The following ADAM18 variants were observed in gnomAD, a reference collection of about 807,000 sequenced individuals.
ADAM18 encodes disintegrin and metalloproteinase domain-containing protein 18.
Under a neutral mutation model 94.4 loss-of-function variants are expected in ADAM18, and 117 were observed. The ratio of observed to expected loss-of-function variants is 1.24; its 90% CI spans 1.07 to 1.45. The LOEUF (loss-of-function observed/expected upper bound fraction) is 1.45, where lower values mean the gene tolerates loss of function less well. ADAM18 is among the 40% of genes most tolerant of loss of function. The pLI is 0.00. For synonymous variants in ADAM18, 327 were observed against 291.6 expected, an observed-to-expected ratio of 1.12 and a Z score of -1.24; for missense variants, 936 against 880.0, an observed-to-expected ratio of 1.06 and a Z score of -0.81.
chr8:39,709,712 G>A (rs187297884), intron 18 of ADAM18, among the ~76,000 whole-genome samples: 1 of 152,302 alleles, frequency 6.6e-6, no homozygotes, highest in East Asian at 1.9e-4. Flanking sequence ...GTGGTAAATA[G>A]GTTTGGTGAT....
chr8:39,611,783 G>T (rs529553099), intron 6 of ADAM18, among the ~76,000 whole-genome samples: 7 of 151,742 alleles, frequency 4.6e-5, no homozygotes, highest in South Asian at 2.1e-4. Flanking sequence ...ATAAAAAATA[G>T]AGTTTTTCTT....
chr8:39,627,610 T>C (rs1176425157), intron 6 of ADAM18, among the ~76,000 whole-genome samples: 1 of 152,126 alleles, frequency 6.6e-6, no homozygotes, highest in Non-Finnish European at 1.5e-5. Flanking sequence ...AATCTTTACA[T>C]GTTAGGTGAG....
intron 2 of ADAM18, among the ~76,000 whole-genome samples, chr8:39,586,792 CTATCT>C (rs1005769350): frequency 1.5e-5 from 2 of 136,204 alleles, no homozygotes; most frequent in African/African-American, 5.2e-5. Flanking sequence ...ATCTATCTAT[CTATCT>C]ATCTATATCT....
At chr8:39,655,485 GA>G (rs577878886) in intron 12 of ADAM18, among the ~76,000 whole-genome samples, 116 of 151,974 alleles carry the variant, frequency 7.6e-4, no homozygotes, top group South Asian at 1.5e-3. Context: ...TAAATTTTGA[GA>G]AAAAAAGGAA....
chr8:39,633,083 T>C (rs1249285464), intron 7 of ADAM18, among the ~76,000 whole-genome samples: 1 of 152,158 alleles, frequency 6.6e-6, no homozygotes, highest in Non-Finnish European at 1.5e-5. Context: ...CACGAGGACA[T>C]AGCAAAAAGG....
At chr8:39,611,961 A>G (rs941718580) in intron 6 of ADAM18, among the ~76,000 whole-genome samples, 3 of 152,212 alleles carry the variant, frequency 2.0e-5, no homozygotes, top group African/African-American at 7.2e-5. Flanking sequence ...AGAAAAAATC[A>G]CTTAACCACA....
intron 19 of ADAM18, 38 bp downstream of exon 19, chr8:39,723,945 A>T: frequency 1.6e-6 from 2 of 1,245,200 alleles, no homozygotes; most frequent in Non-Finnish European, 1.1e-6. Context: ...AGGTTTAATT[A>T]TCCTAGTCAT....
chr8:39,654,845 G>A (rs1232728948), intron 12 of ADAM18, among the ~76,000 whole-genome samples: 1 of 152,020 alleles, frequency 6.6e-6, no homozygotes, highest in Non-Finnish European at 1.5e-5. Context: ...GTCTTATTTT[G>A]AGAAGTGCAG....
chr8:39,595,882 T>G (rs906486671), intron 2 of ADAM18, among the ~76,000 whole-genome samples: 4 of 152,146 alleles, frequency 2.6e-5, no homozygotes, highest in Non-Finnish European at 5.9e-5. Flanking sequence ...TTGTTTCCAT[T>G]TCTCCAAAAT....
In ADAM18 at chr8:39,677,192, A is replaced by G. The variant is rs190045366; in HGVS notation, c.1526-239A>G. Among the ~76,000 whole-genome samples the G allele has an allele frequency of 1.5e-4, 23 of 152,316 alleles. No homozygotes were observed. In the East Asian group the frequency reaches 4.4e-3, roughly 29 times the overall value. On this transcript the variant is annotated intron_variant, in intron 14 of 19. Transcript: ENST00000265707. ...ATTAAGAAGTATTTGCTCCCACCAG[A>G]AAGAGAAACATATTGTTTTAAAAAT... is the stretch of plus-strand genomic sequence containing the variant.
At chr8:39,602,694 T>G (rs1270096140) in intron 2 of ADAM18, among the ~76,000 whole-genome samples, 2 of 152,194 alleles carry the variant, frequency 1.3e-5, no homozygotes, top group African/African-American at 4.8e-5. Flanking sequence ...TTTTATGTAC[T>G]CTAGTTAAGT....
chr8:39,704,553 G>T (rs564395134), intron 17 of ADAM18, among the ~76,000 whole-genome samples: 1 of 152,152 alleles, frequency 6.6e-6, no homozygotes, highest in South Asian at 2.1e-4. Context: ...ATCTTGCCAT[G>T]ACTTGCCCTA....
intron 14 of ADAM18, among the ~76,000 whole-genome samples, chr8:39,677,055 G>GC (rs1821320627): frequency 1.3e-5 from 2 of 152,178 alleles, no homozygotes; most frequent in Admixed American, 6.5e-5. Flanking sequence ...ACAGGAGGTA[G>GC]ACTCTGGAAA....
intron 13 of ADAM18, among the ~76,000 whole-genome samples, chr8:39,665,954 T>C (rs1224916938): frequency 6.6e-6 from 1 of 152,186 alleles, no homozygotes; most frequent in Non-Finnish European, 1.5e-5. Flanking sequence ...CAGATTTCTG[T>C]TTACTATCAT....
intron 17 of ADAM18, among the ~76,000 whole-genome samples, chr8:39,702,718 C>T (rs1039755817): frequency 4.6e-5 from 7 of 152,158 alleles, no homozygotes; most frequent in Non-Finnish European, 8.8e-5. Context: ...CCAGTTATCT[C>T]AGCACCATTT....
chr8:39,594,611 C>CT (rs1247090933), intron 2 of ADAM18, among the ~76,000 whole-genome samples: 2 of 150,584 alleles, frequency 1.3e-5, no homozygotes, highest in African/African-American at 2.4e-5. Flanking sequence ...ATTTATGGGT[C>CT]TTTTTTTTCA....
rs575303359 is a variant in ADAM18, at chr8:39,618,005, A to G, written c.522+7299A>G. On this transcript the variant is annotated intron_variant, in intron 6 of 19. Coordinates refer to ENST00000265707, the MANE Select transcript of ADAM18 (RefSeq NM_014237.3). ...TAAAAATTGGAAATGAATAAAGTTA[A>G]TAAAACCAGAAACCCTAAAACAAGA... 1.3e-5 allele frequency among the ~76,000 whole-genome samples: 2 copies of G among 152,238 alleles called. 1 individual carries two copies. The highest frequency in any genetic ancestry group is 2.9e-5 in the Non-Finnish European group (2 of 68,034).
intron 7 of ADAM18, among the ~76,000 whole-genome samples, chr8:39,633,846 T>G (rs200826542): frequency 5.4e-3 from 626 of 116,168 alleles, no homozygotes; most frequent in East Asian, 6.1e-3. Flanking sequence ...AAAAAAAAGG[T>G]GGGGGATGGG....
intron 6 of ADAM18, among the ~76,000 whole-genome samples, chr8:39,615,269 A>G (rs1819404151): frequency 6.6e-6 from 1 of 152,124 alleles, no homozygotes; most frequent in Non-Finnish European, 1.5e-5. Flanking sequence ...GGAACACAGT[A>G]CAATAAAGAT....
Sources: gnomAD v4.1 joint callset for allele counts (sites outside exome capture counted in the v4.1 genomes callset) on GRCh38, gnomAD v4.1.1 for gene constraint, MANE v1.5 for transcripts, NCBI Gene and HGNC (gene_info 2026-07-23, HGNC 2026-07-21) for gene names.